The following RBPJ variants were observed in gnomAD, a reference collection of about 807,000 sequenced individuals.
The protein encoded by RBPJ is recombination signal binding protein for immunoglobulin kappa J region.
Under a neutral mutation model 67.8 loss-of-function variants are expected in RBPJ, and 9 were observed. That is an observed-to-expected ratio of 0.13 (90% CI 0.08 to 0.23). RBPJ has a LOEUF of 0.23. Ranked by LOEUF, RBPJ falls within the 10% of genes least tolerant of loss-of-function variation. The pLI is 1.00. For synonymous variants in RBPJ, 198 were observed against 203.3 expected, an observed-to-expected ratio of 0.97 and a Z score of 0.22; for missense variants, 305 against 595.6, an observed-to-expected ratio of 0.51 and a Z score of 5.08.
intron 1 of RBPJ, among the ~76,000 whole-genome samples, chr4:26,295,459 A>C (rs1298818017): frequency 6.6e-6 from 1 of 152,184 alleles, no homozygotes; most frequent in East Asian, 1.9e-4. Context: ...CTTCTTAAAA[A>C]AGTAGCAGTC....
At chr4:26,278,425 T>C (rs1303353442) in intron 1 of RBPJ, among the ~76,000 whole-genome samples, 1 of 152,176 alleles carries the variant, frequency 6.6e-6, no homozygotes, top group East Asian at 1.9e-4. Context: ...TGATATCTGA[T>C]AGAAAAAATA....
chr4:26,356,673 T>A (rs1469432539), intron 1 of RBPJ, among the ~76,000 whole-genome samples: 6 of 152,228 alleles, frequency 3.9e-5, no homozygotes, highest in Non-Finnish European at 8.8e-5. Context: ...GTATTCCATA[T>A]CCATAATATA....
intron 1 of RBPJ, among the ~76,000 whole-genome samples, chr4:26,256,538 C>A (rs1414257991): frequency 6.6e-6 from 1 of 152,014 alleles, no homozygotes; most frequent in African/African-American, 2.4e-5. Flanking sequence ...TATAATATTC[C>A]AGAAATCTAC....
At chr4:26,280,055 G>T (rs1217267040) in intron 1 of RBPJ, among the ~76,000 whole-genome samples, 3 of 150,898 alleles carry the variant, frequency 2.0e-5, no homozygotes, top group African/African-American at 7.3e-5. Flanking sequence ...CCAAAGTGCT[G>T]GGATTACAGG....
At chr4:26,115,306 T>G in the RBPJ span, among the ~76,000 whole-genome samples, 5 of 152,168 alleles carry the variant, frequency 3.3e-5, no homozygotes, top group Non-Finnish European at 1.5e-5. Flanking sequence ...AGCTAAAAAA[T>G]GTTTTTGTGA....
intron 1 of RBPJ, chr4:26,322,377 T>C (rs1003555665): frequency 5.9e-5 from 9 of 152,230 alleles, no homozygotes; most frequent in Non-Finnish European, 1.0e-4. Context: ...TCTAGAAATC[T>C]GGATTTAGAA....
At chr4:26,315,151 A>AT (rs1213074902), upstream of RBPJ, among the ~76,000 whole-genome samples, 1 of 111,644 alleles carries the variant, frequency 9.0e-6, no homozygotes, top group Non-Finnish European at 1.7e-5. Context: ...TCTCAAAAAA[A>AT]AAAAAAAAAA....
chr4:26,301,591 C>G (rs1444074752), intron 1 of RBPJ, among the ~76,000 whole-genome samples: 1 of 81,180 alleles, frequency 1.2e-5, no homozygotes, highest in Non-Finnish European at 2.5e-5. Context: ...GACTCTGTCT[C>G]AAAAAAAAAA....
intron 1 of RBPJ, among the ~76,000 whole-genome samples, chr4:26,173,998 C>T (rs1295144371): frequency 1.3e-5 from 2 of 152,216 alleles, no homozygotes; most frequent in African/African-American, 4.8e-5. Context: ...TGGAATCCAA[C>T]TCCTCTGAAA....
At chr4:26,319,978 C>T, upstream of RBPJ, 7 of 1,162,380 alleles carry the variant, frequency 6.0e-6, no homozygotes, top group South Asian at 7.3e-5. Context: ...GGGATCAGGC[C>T]GCCTGAAGCG....
chr4:26,427,047 T>C (rs916986039), intron 7 of RBPJ, among the ~76,000 whole-genome samples: 2 of 152,100 alleles, frequency 1.3e-5, no homozygotes, highest in Non-Finnish European at 2.9e-5. Context: ...AGCATAGCAA[T>C]GCGGCCGTGG....
intron 1 of RBPJ, among the ~76,000 whole-genome samples, chr4:26,286,789 T>C (rs1306250933): frequency 2.5e-5 from 1 of 39,974 alleles, no homozygotes; most frequent in African/African-American, 8.3e-5. Flanking sequence ...GTAAAACCTC[T>C]TTTTTTTTTT....
intron 5 of RBPJ, among the ~76,000 whole-genome samples, chr4:26,423,329 C>T (rs919003592): frequency 1.3e-5 from 2 of 152,158 alleles, no homozygotes; most frequent in Non-Finnish European, 2.9e-5. Context: ...TAAAGGCAGG[C>T]CAAGGTGATC....
chr4:26,387,600 A>G (rs1013540636), intron 2 of RBPJ, among the ~76,000 whole-genome samples: 14 of 152,208 alleles, frequency 9.2e-5, no homozygotes, highest in African/African-American at 2.4e-4. Context: ...CACAGAGGGC[A>G]AGACAGTTAG....
At chr4:26,195,644 G>A (rs1353001159) in intron 1 of RBPJ, among the ~76,000 whole-genome samples, 1 of 152,046 alleles carries the variant, frequency 6.6e-6, no homozygotes, top group African/African-American at 2.4e-5. Flanking sequence ...GCCCAGGCTG[G>A]AGTGCAGTGG....
intron 7 of RBPJ, among the ~76,000 whole-genome samples, chr4:26,425,986 G>C (rs1735625463): frequency 6.6e-6 from 1 of 150,486 alleles, no homozygotes; most frequent in Admixed American, 6.6e-5. Context: ...TGTCATGATT[G>C]TACAAGGTGA....
At chr4:26,179,645 T>C (rs938857532) in intron 1 of RBPJ, among the ~76,000 whole-genome samples, 3 of 152,138 alleles carry the variant, frequency 2.0e-5, no homozygotes, top group African/African-American at 7.2e-5. Flanking sequence ...AGAATGGCTA[T>C]TACTAAAAAG....
upstream of RBPJ, among the ~76,000 whole-genome samples, chr4:26,320,164 A>C (rs565980528): frequency 1.3e-5 from 2 of 152,360 alleles, no homozygotes; most frequent in South Asian, 4.1e-4. Context: ...TCCTCTGGGC[A>C]GACTCGGAGG....
intron 1 of RBPJ, among the ~76,000 whole-genome samples, chr4:26,261,991 C>T (rs1424391150): frequency 6.6e-6 from 1 of 152,148 alleles, no homozygotes; most frequent in Non-Finnish European, 1.5e-5. Context: ...TGTCTTCCAG[C>T]CCAGAGTGCA....
Sources: gnomAD v4.1 joint callset for allele counts (sites outside exome capture counted in the v4.1 genomes callset) on GRCh38, gnomAD v4.1.1 for gene constraint, MANE v1.5 for transcripts, NCBI Gene and HGNC (gene_info 2026-07-23, HGNC 2026-07-21) for gene names.